SEMA7A: variants seen among roughly 807,000 people sequenced by gnomAD.
SEMA7A encodes semaphorin-7A.
In SEMA7A, 21 loss-of-function variants were observed where a neutral mutation model predicts 67.5. The ratio of observed to expected loss-of-function variants is 0.31; its 90% confidence interval spans 0.22 to 0.45. The LOEUF (loss-of-function observed/expected upper bound fraction) is 0.45. Ranked by LOEUF, SEMA7A falls within the 20% of genes least tolerant of loss-of-function variation. The pLI is 1.00. For missense variants in SEMA7A, 774 were observed against 908.6 expected, an observed-to-expected ratio of 0.85 and a Z score of 1.90; for synonymous variants, 364 against 368.5, an observed-to-expected ratio of 0.99 and a Z score of 0.14.
rs1413134239 is a variant in SEMA7A at position 74,423,649 on chromosome 15, C to T, written c.179-4697G>A. ...ATAACTAAAGGGAATCACCCGCCCA[C>T]CCACCTTCCAGGTGAGGCCCTGATC... On this transcript the variant is annotated intron_variant, in intron 1 of 13. Transcript: ENST00000261918. This position sits in a 1 kb window ranked among gnomAD's most constrained non-coding sequence, Gnocchi z 4.1. Among the ~76,000 whole-genome samples the T allele has an allele frequency of 6.6e-6, 1 of 152,218 alleles. No homozygotes were observed. The highest frequency in any genetic ancestry group is 2.4e-5 in the African/African-American group (1 of 41,456).
intron 1 of SEMA7A, chr15:74,433,488 G>A (rs2061110366): frequency 1.8e-6 from 2 of 1,091,144 alleles, no homozygotes; most frequent in South Asian, 4.6e-5. Flanking sequence ...TGGCTGCCAG[G>A]GACTTGGTGC....
chr15:74,409,359 A>C lies in SEMA7A; in HGVS notation c.*1265T>G, dbSNP rs1426126909. 1 of 152,282 alleles carries C rather than the reference A, an allele frequency of 6.6e-6. No homozygotes were observed. The highest frequency in any genetic ancestry group is 1.9e-4 in the East Asian group (1 of 5,192). 9.4% of individuals were successfully genotyped at this position (152,282 alleles called of 1,614,324 possible). ...GCATTGAGAAGAGGTGCAGGGGCCA[A>C]AGCTGGAAGGCCACTGGCCCCAGCC... On this transcript the variant is annotated 3_prime_UTR_variant, in exon 14 of 14. Transcript: ENST00000261918.
At chr15:74,428,395 G>T (rs1010878149) in intron 1 of SEMA7A, among the ~76,000 whole-genome samples, 2 of 152,236 alleles carry the variant, frequency 1.3e-5, no homozygotes, top group African/African-American at 2.4e-5. Flanking sequence ...TGCCTCTTTG[G>T]GTGATCTCGG....
intron 10 of SEMA7A, among the ~76,000 whole-genome samples, chr15:74,413,473 G>A (rs916322493): frequency 6.6e-6 from 1 of 152,206 alleles, no homozygotes; most frequent in Non-Finnish European, 1.5e-5. Context: ...CATGGCCCAA[G>A]TCCAGCCTTC....
Position 74,433,800 on chromosome 15 carries a change from G to T in SEMA7A, c.119C>A (p.Ala40Asp), listed in dbSNP as rs747971686. 9 of 1,419,850 alleles carry T rather than the reference G, an allele frequency of 6.3e-6. No homozygotes were observed. In the South Asian group the frequency reaches 1.3e-4, roughly 21 times the overall value. 88.0% of individuals were successfully genotyped at this position (1,419,850 alleles called of 1,614,324 possible). A position where few individuals can be genotyped will look rare whatever the true frequency, so the allele number is the denominator to read the frequency against. The change falls in exon 1 of 14, where the codon GCC becomes GAC. Residue 40 changes from alanine (A) to aspartate (D), a missense_variant. Ala to Asp is a moderately radical substitution (Grantham distance 126). Transcript: ENST00000261918. ...TAGGTGGCCCTGGGCGGAGGCGGCG[G>T]CCGCCCAGAGCAGCAGCAGCAGCCG... ...RLRLLLLLWA[A>D]AASAQGHLRS...
chr15:74,420,257 A>T (rs1457082635), intron 1 of SEMA7A, among the ~76,000 whole-genome samples: 1 of 152,188 alleles, frequency 6.6e-6, no homozygotes, highest in Non-Finnish European at 1.5e-5. Context: ...TTTAAGAAAC[A>T]TCCCTTCATG....
intron 1 of SEMA7A, among the ~76,000 whole-genome samples, chr15:74,431,447 G>A (rs992374633): frequency 6.6e-6 from 1 of 152,178 alleles, no homozygotes; most frequent in Non-Finnish European, 1.5e-5. Context: ...GATCCAAGCA[G>A]CAGAAAATAA....
At chr15:74,427,183 C>A (rs1192130377) in intron 1 of SEMA7A, 1 of 983,766 alleles carries the variant, frequency 1.0e-6, no homozygotes, top group Non-Finnish European at 1.2e-6. Context: ...TCTGGCACCA[C>A]CATCTTCGCT....
Position 74,414,390 on chromosome 15 carries a change from C to A in SEMA7A, c.1294+157G>T, listed in dbSNP as rs1288885997. On this transcript the variant is annotated intron_variant, in intron 10 of 13. Transcript: ENST00000261918. This position sits in a 1 kb window ranked among gnomAD's most constrained non-coding sequence, Gnocchi z 4.1. ...CCTCCAGGAAGCTCTCCCTGCCTGACTCTTCCACACCCACACACATTAACC... is the reference window on the plus strand; with the variant it reads ...CCTCCAGGAAGCTCTCCCTGCCTGAATCTTCCACACCCACACACATTAACC... Among the ~76,000 whole-genome samples the A allele has an allele frequency of 6.6e-6, 1 of 152,238 alleles. No individual in the cohort carries two copies. Among genetic ancestry groups the A allele is most frequent in the African/African-American group, 2.4e-5 (1 of 41,464 alleles).
At chr15:74,412,117 T>A in intron 10 of SEMA7A, 105 bp from the exon 11 acceptor site, 1 of 1,402,450 alleles carries the variant, frequency 7.1e-7, no homozygotes, top group Non-Finnish European at 9.9e-7. Flanking sequence ...CAGGCAAGGG[T>A]CACAGGACTG....
At chr15:74,417,196 G>C in intron 6 of SEMA7A, 139 bp downstream of exon 6, 4 of 704,900 alleles carry the variant, frequency 5.7e-6, no homozygotes, top group Non-Finnish European at 1.0e-5. Flanking sequence ...TAACTTCTCA[G>C]GCCTATACCA....
rs148048976 is a variant in SEMA7A, at chr15:74,411,272, G to T, written c.1639+23C>A. ...GTACCCCACTCATTGGGCCACAGCCGCCAGCAGGGCCAGATCAGGTACCTG... is the reference window on the plus strand; with the variant it reads ...GTACCCCACTCATTGGGCCACAGCCTCCAGCAGGGCCAGATCAGGTACCTG... On this transcript the variant is annotated intron_variant, in intron 13 of 13. Coordinates refer to ENST00000261918, the MANE Select transcript of SEMA7A (RefSeq NM_003612.5). The surrounding 1 kb of genome is among the most constrained non-coding windows in gnomAD (Gnocchi z 4.4). 1.2e-6 allele frequency: 2 copies of T among 1,611,320 alleles called. No homozygotes were observed. Among genetic ancestry groups the T allele is most frequent in the Non-Finnish European group, 1.7e-6 (2 of 1,178,298 alleles).
chr15:74,433,533 C>A, intron 1 of SEMA7A: 1 of 1,203,928 alleles, frequency 8.3e-7, no homozygotes, highest in Non-Finnish European at 1.0e-6. Context: ...GCCGCTCGCT[C>A]GCCGCAGCGT....
intron 1 of SEMA7A, among the ~76,000 whole-genome samples, chr15:74,433,406 A>T (rs2061108810): frequency 6.6e-6 from 1 of 151,896 alleles, no homozygotes; most frequent in African/African-American, 2.4e-5. Flanking sequence ...CCCCCGAGCC[A>T]GAGGACCCAG....
rs754917095 is a variant in SEMA7A, at chr15:74,411,382, TC to T, written c.1578-27del. The T allele has an allele frequency of 1.2e-5, 19 of 1,612,068 alleles. No homozygotes were observed. In the East Asian group the frequency reaches 4.0e-4, roughly 34 times the overall value. On this transcript the variant is annotated intron_variant, in intron 12 of 13. Transcript: ENST00000261918. This position sits in a 1 kb window ranked among gnomAD's most constrained non-coding sequence, Gnocchi z 4.4. ...CTGGAGTGGGAAGGACGAAAGAGGATCAGCAGATACAAGGCTGCAGACCTGA... is the reference window on the plus strand; with the variant it reads ...CTGGAGTGGGAAGGACGAAAGAGGATAGCAGATACAAGGCTGCAGACCTGA...
rs1396601788 is a variant in SEMA7A at position 74,419,051 on chromosome 15, T to C, written c.179-99A>G. ...GCACACTGGAACCAGTGCTTGGTGC[T>C]CAGGGTCCTGGCAGGGCGTCAGACA... On this transcript the variant is annotated intron_variant, in intron 1 of 13. Coordinates refer to ENST00000261918, the MANE Select transcript of SEMA7A (RefSeq NM_003612.5). 2.2e-6 allele frequency: 3 copies of C among 1,386,594 alleles called. No homozygotes were observed. In the African/African-American group the frequency reaches 4.3e-5, roughly 20 times the overall value. The allele number at this position is 1,386,594 out of a possible 1,614,324, so 85.9% of individuals were successfully genotyped here.
chr15:74,433,424 C>T (rs1555430942), intron 1 of SEMA7A, among the ~76,000 whole-genome samples: 1 of 151,836 alleles, frequency 6.6e-6, no homozygotes, highest in Non-Finnish European at 1.5e-5. Context: ...CAGAGTGGCT[C>T]GGGGCCGAGA....
chr15:74,427,409 T>C, intron 1 of SEMA7A: 1 of 985,190 alleles, frequency 1.0e-6, no homozygotes, highest in African/African-American at 1.7e-5. Context: ...CACAGTGACC[T>C]TCCTTCCTCG....
At chr15:74,425,618 C>T (rs368583319) in intron 1 of SEMA7A, among the ~76,000 whole-genome samples, 2 of 152,242 alleles carry the variant, frequency 1.3e-5, no homozygotes, top group South Asian at 4.1e-4. Context: ...CAAGTGAGCA[C>T]AGGTGTGCAG....
Sources: gnomAD v4.1 joint callset for allele counts (sites outside exome capture counted in the v4.1 genomes callset) on GRCh38, gnomAD v4.1.1 for gene constraint, Gnocchi (gnomAD v3.1) non-coding constraint, MANE v1.5 for transcripts, NCBI Gene and HGNC (gene_info 2026-07-23, HGNC 2026-07-21) for gene names.